Variants in ABCC12 observed in about 807,000 individuals in gnomAD.
The protein encoded by ABCC12 is ATP-binding cassette sub-family C member 12.
Under a neutral mutation model 151.1 loss-of-function variants are expected in ABCC12, and 142 were observed. That is an observed-to-expected ratio of 0.94 (90% CI 0.82 to 1.08). The LOEUF (loss-of-function observed/expected upper bound fraction) is 1.08. Among genes scored for constraint, ABCC12 ranks in the 50% least tolerant of loss-of-function variants. The pLI, the probability that ABCC12 is intolerant of heterozygous loss-of-function variation, is 0.00. For missense variants in ABCC12, 1,638 were observed against 1,691.1 expected (o/e 0.97, Z 0.55); for synonymous variants, 645 against 646.4 (o/e 1.00, Z 0.03).
intron 20 of ABCC12, among the ~76,000 whole-genome samples, chr16:48,106,245 G>A (rs1220503584): frequency 6.6e-6 from 1 of 152,222 alleles, no homozygotes; most frequent in East Asian, 1.9e-4. Context: ...AGCCTGAAGA[G>A]GAGACACTCC....
At position 48,088,548 on chromosome 16, in the gene ABCC12, A is replaced by C. The variant is rs1450237254; in HGVS notation, c.3472T>G (p.Ser1158Ala). Residue 1158 changes from serine to alanine, a missense_variant, in exon 26 of 31, where the codon TCC (serine) becomes GCC (alanine). Transcript: ENST00000311303. ...QTVGIVGRTG[S>A]GKSSLGMALF... Reference sequence around the variant, plus strand: ...CAAAAGCAGAGCTTGTCCTCACCGGAACCTGTTCTTCCAACAATCCCGACT... The same window carrying C: ...CAAAAGCAGAGCTTGTCCTCACCGGCACCTGTTCTTCCAACAATCCCGACT... The C allele has an allele frequency of 1.9e-6, 3 of 1,613,542 alleles. No individual in the cohort carries two copies. In the Admixed American group the frequency reaches 5.0e-5, roughly 27 times the overall value.
Position 48,143,957 on chromosome 16 carries a change from G to T in ABCC12, c.228C>A (p.Thr76=). The T allele has an allele frequency of 6.2e-7, 1 of 1,614,200 alleles. No individual in the cohort carries two copies. The change falls in exon 4 of 31, where the codon ACC becomes ACA. Residue 76 remains threonine, a synonymous_variant. Coordinates refer to ENST00000311303, the MANE Select transcript of ABCC12 (RefSeq NM_001393797.1). Reference sequence around the variant, plus strand: ...AGTCATATGTCGACAATGGGGGCAGGGTGTCTACGGTCAGCCTTTGCCGGT... The same window carrying T: ...AGTCATATGTCGACAATGGGGGCAGTGTGTCTACGGTCAGCCTTTGCCGGT... ...KGYRQRLTVD[T]LPPLSTYDSS...
intron 11 of ABCC12, among the ~76,000 whole-genome samples, chr16:48,125,704 C>T (rs1476301290): frequency 1.3e-5 from 2 of 152,228 alleles, no homozygotes; most frequent in African/African-American, 2.4e-5. Flanking sequence ...GGCAAAGATG[C>T]CCAACATGGG....
intron 12 of ABCC12, 150 bp from the exon 13 acceptor site, chr16:48,121,990 A>C: frequency 8.5e-7 from 1 of 1,177,334 alleles, no homozygotes; most frequent in South Asian, 1.6e-5. Context: ...TGCACCAGAA[A>C]GCCCAACCAT....
intron 24 of ABCC12, among the ~76,000 whole-genome samples, chr16:48,095,376 T>G (rs1963060922): frequency 6.6e-6 from 1 of 152,198 alleles, no homozygotes. Context: ...AACTCCTTTT[T>G]CTTTAAAAAT....
rs1405258797 is a variant in ABCC12 at position 48,084,316 on chromosome 16, C to T, written c.3829-243G>A. Among the ~76,000 whole-genome samples, 10 of 152,310 alleles carry T rather than the reference C, an allele frequency of 6.6e-5. No individual in the cohort carries two copies. In the East Asian group the frequency reaches 1.7e-3, roughly 26 times the overall value. On this transcript the variant is annotated intron_variant, in intron 29 of 30. Transcript: ENST00000311303. ...GGGACAAGGTTGTATATCCTTTATTCCTCTTTTTAAGTGGTTTATTCTAAC... is the reference window on the plus strand; with the variant it reads ...GGGACAAGGTTGTATATCCTTTATTTCTCTTTTTAAGTGGTTTATTCTAAC...
At chr16:48,137,189 G>A (rs922819336) in intron 8 of ABCC12, among the ~76,000 whole-genome samples, 1 of 152,126 alleles carries the variant, frequency 6.6e-6, no homozygotes, top group East Asian at 1.9e-4. Flanking sequence ...GAATGGAGAC[G>A]AGCAGATGGC....
At chr16:48,155,617 C>T (rs935059427) in intron 1 of ABCC12, among the ~76,000 whole-genome samples, 3 of 152,142 alleles carry the variant, frequency 2.0e-5, no homozygotes, top group Admixed American at 2.0e-4. Context: ...TTTATGATAG[C>T]GGGGGCTCCA....
Position 48,083,571 on chromosome 16 carries a change from G to A in ABCC12, c.*144C>T, listed in dbSNP as rs971702933. 4.7e-6 allele frequency: 4 copies of A among 855,362 alleles called. No individual in the cohort carries two copies. In the African/African-American group the frequency reaches 5.1e-5, roughly 11 times the overall value. 53.0% of individuals were successfully genotyped at this position (855,362 alleles called of 1,614,324 possible). A position where few individuals can be genotyped will look rare whatever the true frequency, so the allele number is the denominator to read the frequency against. On this transcript the variant is annotated 3_prime_UTR_variant, in exon 31 of 31. Transcript: ENST00000311303. Reference sequence around the variant, plus strand: ...GACATGGACTGAGTATGGCAGTGGGGACAACTTCAGCCCCAGCTCACTCCG... The same window carrying A: ...GACATGGACTGAGTATGGCAGTGGGAACAACTTCAGCCCCAGCTCACTCCG...
At chr16:48,145,390 A>T (rs1047015580) in intron 3 of ABCC12, among the ~76,000 whole-genome samples, 2 of 152,222 alleles carry the variant, frequency 1.3e-5, no homozygotes, top group Admixed American at 1.3e-4. Context: ...TGCAAGGTTG[A>T]GCATGTGAGC....
At position 48,088,735 on chromosome 16, in the gene ABCC12, C is replaced by A; in HGVS notation, c.3286-1G>T. On this transcript the variant is annotated splice_acceptor_variant, in intron 25 of 30. Coordinates refer to ENST00000311303, the MANE Select transcript of ABCC12 (RefSeq NM_001393797.1). LOFTEE classifies it high-confidence loss of function. ...GATGAGTGCATTCAGGAACACAGGT[C>A]TGTAAAGGAGAATAACCAATGACCA... 2 of 1,609,340 alleles carry A rather than the reference C, an allele frequency of 1.2e-6. No homozygotes were observed. Among genetic ancestry groups the A allele is most frequent in the Non-Finnish European group, 1.7e-6 (2 of 1,178,292 alleles).
chr16:48,151,450 A>T (rs1965116337), intron 2 of ABCC12, among the ~76,000 whole-genome samples: 1 of 152,212 alleles, frequency 6.6e-6, no homozygotes, highest in African/African-American at 2.4e-5. Context: ...TCCTGGAACC[A>T]AAAAAGGATG....
intron 13 of ABCC12, among the ~76,000 whole-genome samples, chr16:48,120,574 GAGA>G (rs1480465966): frequency 2.4e-5 from 2 of 84,602 alleles, no homozygotes; most frequent in Admixed American, 2.7e-4. Context: ...TTTTTTTTTT[GAGA>G]AGGAGTCTCG....
At chr16:48,094,550 G>A (rs1963024000) in intron 24 of ABCC12, among the ~76,000 whole-genome samples, 1 of 152,130 alleles carries the variant, frequency 6.6e-6, no homozygotes, top group South Asian at 2.1e-4. Context: ...ACTCCTGTCT[G>A]GTTCACTCAC....
At chr16:48,122,955 G>A (rs1451827704) in intron 12 of ABCC12, among the ~76,000 whole-genome samples, 1 of 152,202 alleles carries the variant, frequency 6.6e-6, no homozygotes, top group Non-Finnish European at 1.5e-5. Flanking sequence ...TAAGTTACCT[G>A]CCCAAGGCTA....
Position 48,088,709 on chromosome 16 carries a change from G to A in ABCC12, c.3311C>T (p.Pro1104Leu), listed in dbSNP as rs780386670. The A allele has an allele frequency of 5.0e-6, 8 of 1,613,782 alleles. No homozygotes were observed. Among genetic ancestry groups the A allele is most frequent in the East Asian group, 2.2e-5 (1 of 44,868 alleles). ...ISTCVPECTH[P>L]LKVGTCPKDW... ...CTTGGGACAGGTCCCCACTTTGAGGGGATGAGTGCATTCAGGAACACAGGT... is the reference window on the plus strand; with the variant it reads ...CTTGGGACAGGTCCCCACTTTGAGGAGATGAGTGCATTCAGGAACACAGGT... The change falls in exon 26 of 31, where the codon CCC (proline) becomes CTC (leucine). Residue 1104 changes from proline (P) to leucine (L), a missense_variant. Transcript: ENST00000311303.
intron 10 of ABCC12, among the ~76,000 whole-genome samples, 184 bp from the exon 11 acceptor site, chr16:48,128,921 A>G (rs76798299): frequency 0.023 from 3,464 of 152,288 alleles, 139 homozygotes; most frequent in African/African-American, 0.079. Flanking sequence ...AGCTCATGCT[A>G]TCTGGGACAG....
intron 15 of ABCC12, 28 bp from the exon 16 acceptor site, chr16:48,111,938 C>T (rs1963710034): frequency 6.2e-7 from 1 of 1,607,216 alleles, no homozygotes; most frequent in South Asian, 1.1e-5. Flanking sequence ...CGACAATGAA[C>T]TTCTGCCTGG....
At chr16:48,121,027 A>C (rs1217463670) in intron 13 of ABCC12, among the ~76,000 whole-genome samples, 1 of 152,160 alleles carries the variant, frequency 6.6e-6, no homozygotes, top group Non-Finnish European at 1.5e-5. Flanking sequence ...CATTGTCACC[A>C]TTCTGTGCAA....
Sources: allele counts gnomAD v4.1 joint callset (sites outside exome capture counted in the v4.1 genomes callset), GRCh38; gene constraint gnomAD v4.1.1; transcripts MANE v1.5; gene names NCBI Gene and HGNC (gene_info 2026-07-23, HGNC 2026-07-21).